CFAP92: variants seen among roughly 807,000 people sequenced by gnomAD.
CFAP92 encodes uncharacterized protein CFAP92.
CFAP92 carries 86 observed loss-of-function variants against 106.3 expected under a neutral mutation model. The observed-to-expected ratio is 0.81, with a 90% CI of 0.68 to 0.97. The LOEUF is 0.97. CFAP92 is among the 50% of genes least tolerant of loss of function. The pLI, the probability that CFAP92 is intolerant of heterozygous loss-of-function variation, is 0.00. For missense variants in CFAP92, 1,204 were observed against 1,283.8 expected (o/e 0.94, Z 0.95); for synonymous variants, 477 against 506.4 (o/e 0.94, Z 0.78).
intron 9 of CFAP92, among the ~76,000 whole-genome samples, chr3:128,947,842 GA>G (rs143577100): frequency 0.02 from 3,029 of 150,242 alleles, 112 homozygotes; most frequent in African/African-American, 0.07. Context: ...TCTCAAAAAA[GA>G]AAAAAATTGA....
intron 12 of CFAP92, among the ~76,000 whole-genome samples, chr3:128,919,901 C>T (rs1454062824): frequency 6.6e-6 from 1 of 152,198 alleles, no homozygotes; most frequent in Admixed American, 6.5e-5. Context: ...AAGCCTGACT[C>T]TGATTAAGGA....
At chr3:128,916,074 G>T in intron 13 of CFAP92, 33 bp downstream of exon 13, 1 of 1,229,754 alleles carries the variant, frequency 8.1e-7, no homozygotes, top group Non-Finnish European at 1.0e-6. Flanking sequence ...CATGGGATTT[G>T]CCAACTGCCA....
At chr3:128,959,056 C>A (rs1439611770) in intron 9 of CFAP92, among the ~76,000 whole-genome samples, 5 of 151,448 alleles carry the variant, frequency 3.3e-5, no homozygotes, top group African/African-American at 1.2e-4. Context: ...ACTAAAAATA[C>A]AAAATTAGCC....
At position 128,909,960 on chromosome 3, in the gene CFAP92, G is replaced by A. The variant is rs942916526; in HGVS notation, c.*339C>T. 1 of 1,599,994 alleles carries A rather than the reference G, an allele frequency of 6.3e-7. No homozygotes were observed. Among genetic ancestry groups the A allele is most frequent in the African/African-American group, 1.3e-5 (1 of 75,012 alleles). On this transcript the variant is annotated 3_prime_UTR_variant, in exon 16 of 16. Transcript: ENST00000645291. Reference sequence around the variant, plus strand: ...GACAGGCAAAGATGCAGCCCAGGGAGGGACCATGTGGGGGACTGGTCTAGG... The same window carrying A: ...GACAGGCAAAGATGCAGCCCAGGGAAGGACCATGTGGGGGACTGGTCTAGG...
chr3:128,954,994 C>T (rs1411411740), intron 9 of CFAP92, among the ~76,000 whole-genome samples: 6 of 35,770 alleles, frequency 1.7e-4, no homozygotes, highest in Admixed American at 2.3e-4. Flanking sequence ...CCCGGCCAGC[C>T]GCCCCGTCCG....
intron 15 of CFAP92, chr3:128,910,613 G>A (rs571144935): frequency 9.9e-7 from 1 of 1,009,178 alleles, no homozygotes; most frequent in African/African-American, 1.6e-5. Context: ...CCAAGACGGG[G>A]TGACTCCTGT....
At chr3:128,977,828 C>T (rs1180845974) in intron 5 of CFAP92, among the ~76,000 whole-genome samples, 1 of 152,182 alleles carries the variant, frequency 6.6e-6, no homozygotes, top group Non-Finnish European at 1.5e-5. Context: ...CATTGCATTC[C>T]AGCCTGGGGG....
chr3:128,918,138 GGTTT>G lies in CFAP92; in HGVS notation c.2752-1871_2752-1868del, dbSNP rs1402162465. On this transcript the variant is annotated intron_variant, in intron 12 of 15. Transcript: ENST00000645291. ...CAAGCAAACTAATTGTGAGGGCTTAGGTTTAAAGGCCTTAGGTTTTACATAAAAC... is the reference window on the plus strand; with the variant it reads ...CAAGCAAACTAATTGTGAGGGCTTAGAAAGGCCTTAGGTTTTACATAAAAC... Among the ~76,000 whole-genome samples, 6 of 152,302 alleles carry G rather than the reference GGTTT, an allele frequency of 3.9e-5. No individual in the cohort carries two copies. In the Middle Eastern group the frequency reaches 0.014, roughly 345 times the overall value.
At chr3:128,927,723 CAAAAAAA>C (rs569749049) in intron 12 of CFAP92, among the ~76,000 whole-genome samples, 3 of 107,742 alleles carry the variant, frequency 2.8e-5, no homozygotes, top group Admixed American at 1.0e-4. Flanking sequence ...GACTCTGTCT[CAAAAAAA>C]AAAAAAAAAA....
upstream of CFAP92, among the ~76,000 whole-genome samples, chr3:129,004,515 C>G (rs1350630232): frequency 1.0e-4 from 14 of 138,934 alleles, no homozygotes; most frequent in African/African-American, 3.4e-4. Flanking sequence ...ACCCACCCAT[C>G]CATCATCCAT....
chr3:129,006,685 G>A (rs1015833997), upstream of CFAP92, among the ~76,000 whole-genome samples: 1 of 152,206 alleles, frequency 6.6e-6, no homozygotes, highest in African/African-American at 2.4e-5. Flanking sequence ...AAAACACCTA[G>A]TGATGAGGAA....
At chr3:128,982,596 C>T (rs1943600433) in intron 4 of CFAP92, among the ~76,000 whole-genome samples, 1 of 152,224 alleles carries the variant, frequency 6.6e-6, no homozygotes, top group Admixed American at 6.5e-5. Context: ...GCACAAGAGG[C>T]CTAGCTTTCA....
chr3:129,023,885 C>G, the CFAP92 span, among the ~76,000 whole-genome samples: 4 of 152,222 alleles, frequency 2.6e-5, no homozygotes, highest in African/African-American at 9.7e-5. Context: ...TAGGACTCAA[C>G]CCATGTCTTG....
At chr3:129,019,860 C>CAG in the CFAP92 span, among the ~76,000 whole-genome samples, 1 of 150,774 alleles carries the variant, frequency 6.6e-6, no homozygotes, top group Non-Finnish European at 1.5e-5. Flanking sequence ...CCTCCACCTC[C>CAG]CAGATTCAAG....
intron 12 of CFAP92, among the ~76,000 whole-genome samples, chr3:128,927,517 C>T (rs1383095314): frequency 1.3e-5 from 2 of 151,392 alleles, no homozygotes; most frequent in Non-Finnish European, 2.9e-5. Context: ...GTCAGGAGAT[C>T]GAGACCATCC....
At chr3:128,972,127 T>C (rs1032566684) in intron 7 of CFAP92, among the ~76,000 whole-genome samples, 1 of 152,252 alleles carries the variant, frequency 6.6e-6, no homozygotes, top group Non-Finnish European at 1.5e-5. Flanking sequence ...AATTAAGTTA[T>C]TGAATTACTT....
At chr3:129,001,925 A>T (rs779914968) in intron 1 of CFAP92, 1 of 1,539,892 alleles carries the variant, frequency 6.5e-7, no homozygotes, top group African/African-American at 1.4e-5. Context: ...CCGGGCAGGC[A>T]GCAGGTGACG....
chr3:128,992,636 G>A (rs113167240), intron 2 of CFAP92, among the ~76,000 whole-genome samples: 81 of 151,906 alleles, frequency 5.3e-4, no homozygotes, highest in African/African-American at 1.8e-3. Flanking sequence ...GTGCAATGGC[G>A]TGATCTCTGC....
At position 128,947,906 on chromosome 3, in the gene CFAP92, GA is replaced by G. The variant is rs201120839; in HGVS notation, c.1354-1932del. On this transcript the variant is annotated intron_variant, in intron 9 of 15. Transcript: ENST00000645291. ...CTATTAAAGCATTGAGAAGAAAACA[GA>G]AAAAAAAAATCCTTCTGACCAGGGG... Among the ~76,000 whole-genome samples, 10 of 146,352 alleles carry G rather than the reference GA, an allele frequency of 6.8e-5. No homozygotes were observed. In the South Asian group the frequency reaches 8.6e-4, roughly 13 times the overall value.
Sources: gnomAD v4.1 joint callset for allele counts (sites outside exome capture counted in the v4.1 genomes callset) on GRCh38, gnomAD v4.1.1 for gene constraint, MANE v1.5 for transcripts, NCBI Gene and HGNC (gene_info 2026-07-23, HGNC 2026-07-21) for gene names.